Variants in SNX7 observed in about 807,000 individuals in gnomAD.
SNX7 encodes the protein sorting nexin 7, also known as sorting nexin-7.
SNX7 carries 35 observed loss-of-function variants against 48.4 expected under a neutral mutation model. That is an observed-to-expected ratio of 0.72 (90% confidence interval 0.55 to 0.96). The LOEUF (loss-of-function observed/expected upper bound fraction) is 0.96, where lower values mean the gene tolerates loss of function less well. SNX7 is among the 40% of genes least tolerant of loss of function. The pLI, the probability that SNX7 is intolerant of heterozygous loss-of-function variation, is 0.00. For synonymous variants in SNX7, 190 were observed against 190.2 expected (o/e 1.00, Z 0.01); for missense variants, 553 against 548.9 (o/e 1.01, Z -0.07).
rs2101066788 is a variant in SNX7, at chr1:98,759,178, A to G, written c.1279-876A>G. 2.0e-5 allele frequency among the ~76,000 whole-genome samples: 3 copies of G among 152,150 alleles called. 1 individual carries two copies. Among genetic ancestry groups the G allele is most frequent in the Middle Eastern group, 3.4e-3 (1 of 294 alleles). ...CAGTCCAGCTTTGGAGTGTTTATGT[A>G]GAAACATACATGTCTATGGCAGTCT... On this transcript the variant is annotated intron_variant, in intron 8 of 8. Transcript: ENST00000306121.
intron 7 of SNX7, among the ~76,000 whole-genome samples, chr1:98,708,558 G>T (rs940184630): frequency 6.6e-6 from 1 of 152,160 alleles, no homozygotes; most frequent in African/African-American, 2.4e-5. Context: ...GTCACAGACA[G>T]TGCAGCAGGG....
chr1:98,753,145 A>G (rs922726501), intron 8 of SNX7, among the ~76,000 whole-genome samples: 1 of 152,086 alleles, frequency 6.6e-6, no homozygotes, highest in Non-Finnish European at 1.5e-5. Flanking sequence ...TACATAAAGC[A>G]ATCATTATAA....
rs1188745896 is a variant in SNX7, at chr1:98,734,800, T to C, written c.1126-3437T>C. Among the ~76,000 whole-genome samples, 3 of 152,152 alleles carry C rather than the reference T, an allele frequency of 2.0e-5. No homozygotes were observed. The East Asian group carries it at 5.8e-4, about 29-fold the overall frequency. On this transcript the variant is annotated intron_variant, in intron 7 of 8. Transcript: ENST00000306121. ...TTACGATTAAATATAAAGCATTTTT[T>C]CACTATCTTACAGTCTTTTATTATT...
intron 7 of SNX7, among the ~76,000 whole-genome samples, chr1:98,726,151 AC>A (rs757573542): frequency 2.2e-4 from 33 of 152,178 alleles, no homozygotes; most frequent in Non-Finnish European, 4.1e-4. Flanking sequence ...GAAGGAAATG[AC>A]CTTGTCTGCA....
At chr1:98,667,907 AG>A (rs144135682) in intron 1 of SNX7, among the ~76,000 whole-genome samples, 2,319 of 149,928 alleles carry the variant, frequency 0.015, 49 homozygotes, top group African/African-American at 0.051. Context: ...TTTGATGATT[AG>A]GAAAAAAAAA....
rs190905865 is a variant in SNX7 at position 98,723,058 on chromosome 1, A to G, written c.1126-15179A>G. On this transcript the variant is annotated intron_variant, in intron 7 of 8. Coordinates refer to ENST00000306121, the MANE Select transcript of SNX7 (RefSeq NM_015976.5). ...GAATAGACCCCAGGCCCCTCATGGT[A>G]GACCTTACATCCCAACAGAAAAGTA... 2.0e-5 allele frequency among the ~76,000 whole-genome samples: 3 copies of G among 152,312 alleles called. No homozygotes were observed. The East Asian group carries it at 5.8e-4, about 29-fold the overall frequency.
chr1:98,746,723 T>C (rs957665208), intron 8 of SNX7, among the ~76,000 whole-genome samples: 1 of 152,142 alleles, frequency 6.6e-6, no homozygotes, highest in Non-Finnish European at 1.5e-5. Context: ...TTTGAACTTA[T>C]GTTTGCATAA....
At chr1:98,683,172 C>T (rs140107614) in intron 1 of SNX7, among the ~76,000 whole-genome samples, 7 of 152,148 alleles carry the variant, frequency 4.6e-5, no homozygotes, top group Non-Finnish European at 1.0e-4. Context: ...TTCCTCTAAT[C>T]TTCTGTTTTG....
At chr1:98,759,656 G>A (rs992108033) in intron 8 of SNX7, among the ~76,000 whole-genome samples, 1 of 152,004 alleles carries the variant, frequency 6.6e-6, no homozygotes, top group Non-Finnish European at 1.5e-5. Context: ...CTCCAATAAA[G>A]ATTAATCAAC....
At chr1:98,729,917 A>G (rs1039669289) in intron 7 of SNX7, among the ~76,000 whole-genome samples, 8 of 152,134 alleles carry the variant, frequency 5.3e-5, no homozygotes, top group East Asian at 1.9e-4. Context: ...TATGAGGCCA[A>G]CATCACCCTG....
chr1:98,724,607 G>A (rs921406256), intron 7 of SNX7, among the ~76,000 whole-genome samples: 2 of 151,966 alleles, frequency 1.3e-5, no homozygotes, highest in African/African-American at 2.4e-5. Flanking sequence ...AGACAATCAC[G>A]GAATAAGGAT....
intron 8 of SNX7, among the ~76,000 whole-genome samples, chr1:98,739,970 C>T (rs552838027): frequency 6.6e-6 from 1 of 152,240 alleles, no homozygotes; most frequent in South Asian, 2.1e-4. Flanking sequence ...TTAGGCAACA[C>T]TGGACATGAT....
At chr1:98,695,773 A>T (rs1421940006) in intron 5 of SNX7, 57 bp downstream of exon 5, 2 of 1,251,074 alleles carry the variant, frequency 1.6e-6, no homozygotes, top group African/African-American at 2.9e-5. Context: ...ATGAATCTTC[A>T]CATTTGTTGG....
intron 8 of SNX7, among the ~76,000 whole-genome samples, chr1:98,746,237 T>A (rs961834199): frequency 6.6e-6 from 1 of 152,080 alleles, no homozygotes; most frequent in African/African-American, 2.4e-5. Context: ...TTTTTAAAAA[T>A]TGACTATTAT....
intron 7 of SNX7, among the ~76,000 whole-genome samples, chr1:98,709,924 T>C (rs1652211986): frequency 6.6e-6 from 1 of 152,194 alleles, no homozygotes; most frequent in Non-Finnish European, 1.5e-5. Flanking sequence ...AGCTCTCTTA[T>C]ATGGAATATG....
At chr1:98,681,834 T>C (rs1354864558) in intron 1 of SNX7, among the ~76,000 whole-genome samples, 1 of 152,222 alleles carries the variant, frequency 6.6e-6, no homozygotes, top group African/African-American at 2.4e-5. Context: ...TTCAAATACC[T>C]GGATCGGTAC....
At chr1:98,665,044 A>C (rs2100898829) in intron 1 of SNX7, among the ~76,000 whole-genome samples, 1 of 152,344 alleles carries the variant, frequency 6.6e-6, no homozygotes, top group South Asian at 2.1e-4. Flanking sequence ...AAATTAAAAT[A>C]AATTGCCTTT....
Position 98,684,757 on chromosome 1 carries a change from AC to A in SNX7, c.181-126del, listed in dbSNP as rs1249421430. On this transcript the variant is annotated intron_variant, in intron 1 of 8. Transcript: ENST00000306121. ...ACAGATAAAAATACATGTTCAGTATACCACATTTAACTAAAAGTCCAATAAT... is the reference window on the plus strand; with the variant it reads ...ACAGATAAAAATACATGTTCAGTATACACATTTAACTAAAAGTCCAATAAT... 5.5e-5 allele frequency: 33 copies of A among 597,060 alleles called. 1 individual carries two copies. Among genetic ancestry groups the A allele is most frequent in the Middle Eastern group, 4.9e-4 (1 of 2,042 alleles). 37.0% of individuals were successfully genotyped at this position (597,060 alleles called of 1,614,324 possible). A position where few individuals can be genotyped will look rare whatever the true frequency, so the allele number is the denominator to read the frequency against.
chr1:98,730,714 T>G (rs1653464870), intron 7 of SNX7, among the ~76,000 whole-genome samples: 1 of 151,970 alleles, frequency 6.6e-6, no homozygotes, highest in African/African-American at 2.4e-5. Flanking sequence ...AGGACCTCTT[T>G]AAGGAGAATG....
Sources: gnomAD v4.1 joint callset for allele counts (sites outside exome capture counted in the v4.1 genomes callset) on GRCh38, gnomAD v4.1.1 for gene constraint, MANE v1.5 for transcripts, NCBI Gene and HGNC (gene_info 2026-07-23, HGNC 2026-07-21) for gene names.